Variants in TDRD9 observed in about 807,000 individuals in gnomAD.
TDRD9 encodes tudor domain containing 9.
In TDRD9, 124 loss-of-function variants were observed where a neutral mutation model predicts 172.6. The ratio of observed to expected loss-of-function variants is 0.72; its 90% CI spans 0.62 to 0.83. The LOEUF (loss-of-function observed/expected upper bound fraction) is 0.83. Ranked by LOEUF, TDRD9 falls within the 40% of genes least tolerant of loss-of-function variation. TDRD9 has a pLI of 0.00. For synonymous variants in TDRD9, 619 were observed against 617.1 expected (o/e 1.00, Z -0.05); for missense variants, 1,479 against 1,714.1 (o/e 0.86, Z 2.42).
At chr14:103,960,652 C>T (rs1566741399) in intron 2 of TDRD9, among the ~76,000 whole-genome samples, 1 of 151,918 alleles carries the variant, frequency 6.6e-6, no homozygotes, top group Non-Finnish European at 1.5e-5. Context: ...TGGCAGTGTA[C>T]GCGGAGGCAG....
Position 104,006,411 on chromosome 14 carries a change from G to A in TDRD9, c.1736G>A (p.Gly579Glu). The change falls in exon 16 of 36, where the codon GGG becomes GAG. Residue 579 changes from glycine to glutamate, a missense_variant. By Grantham distance (98) the Gly-to-Glu change is moderately conservative. Coordinates refer to ENST00000409874, the MANE Select transcript of TDRD9 (RefSeq NM_153046.3). ...AAGGTTGGAGCACTTGCAGTGAGTG[G>A]GCAGAGAGAAGATGAAAACCCCCAT... ...LKEVGALAVS[G>E]QREDENPHDG... The A allele has an allele frequency of 6.2e-7, 1 of 1,613,816 alleles. No individual in the cohort carries two copies.
At chr14:103,981,399 A>G (rs573622266) in intron 7 of TDRD9, among the ~76,000 whole-genome samples, 6 of 152,360 alleles carry the variant, frequency 3.9e-5, no homozygotes, top group Non-Finnish European at 5.9e-5. Context: ...CGTGTGGTCA[A>G]GACAACCCAG....
At chr14:104,049,843 C>G in intron 35 of TDRD9, 163 bp downstream of exon 35, 1 of 606,758 alleles carries the variant, frequency 1.6e-6, no homozygotes, top group South Asian at 2.2e-5. Flanking sequence ...TGTCTCAGAC[C>G]AGACAGGCTG....
At chr14:104,017,618 T>A (rs1186226801) in intron 22 of TDRD9, among the ~76,000 whole-genome samples, 1 of 152,244 alleles carries the variant, frequency 6.6e-6, no homozygotes. Context: ...AAACCCAGCA[T>A]GGTACCTTGA....
At chr14:103,989,898 T>G (rs771775024) in intron 8 of TDRD9, among the ~76,000 whole-genome samples, 2 of 152,378 alleles carry the variant, frequency 1.3e-5, no homozygotes, top group Middle Eastern at 3.4e-3. Flanking sequence ...GAAAGCCTTC[T>G]CCACTGTGGC....
chr14:103,930,926 T>C (rs181423428), intron 1 of TDRD9, among the ~76,000 whole-genome samples: 4 of 152,222 alleles, frequency 2.6e-5, no homozygotes, highest in Non-Finnish European at 5.9e-5. Flanking sequence ...ACTGAGACTT[T>C]TATAAAATCA....
rs557652329 is a variant in TDRD9 at position 103,950,247 on chromosome 14, G to C, written c.216-5417G>C. Among the ~76,000 whole-genome samples the C allele has an allele frequency of 4.1e-4, 62 of 151,818 alleles. 2 individuals are homozygous for C. Among genetic ancestry groups the C allele is most frequent in the African/African-American group, 1.4e-3 (58 of 41,384 alleles). On this transcript the variant is annotated intron_variant, in intron 1 of 35. Transcript: ENST00000409874. ...TGGGATTATAGGCACGTGCCACCAT[G>C]CCTGGCTAATTTTGTTATTTTTAGT...
At chr14:103,936,779 G>A (rs2030793727) in intron 1 of TDRD9, among the ~76,000 whole-genome samples, 1 of 152,170 alleles carries the variant, frequency 6.6e-6, no homozygotes, top group African/African-American at 2.4e-5. Context: ...CTGGCATGAT[G>A]TAGATGCTTA....
chr14:104,040,313 C>T lies in TDRD9; in HGVS notation c.3834C>T (p.Phe1278=). ...HDMELAFDVQ[F]SVEDVVEVNI... ...TGGAGCTTGCGTTTGACGTTCAATT[C>T]AGCGTGGAGGATGTCGTCGAGGTAA... Residue 1278 remains phenylalanine, a synonymous_variant, in exon 33 of 36, where the codon TTC becomes TTT. Coordinates refer to ENST00000409874, the MANE Select transcript of TDRD9 (RefSeq NM_153046.3). 6.4e-7 allele frequency: 1 copy of T among 1,551,152 alleles called. No individual in the cohort carries two copies.
At chr14:104,030,213 C>A (rs533595128) in intron 28 of TDRD9, among the ~76,000 whole-genome samples, 170 of 152,294 alleles carry the variant, frequency 1.1e-3, no homozygotes, top group Non-Finnish European at 1.9e-3. Context: ...AAACTGTAGA[C>A]CAGGTGCAGT....
At chr14:103,959,835 AGT>A (rs1418430025) in intron 2 of TDRD9, among the ~76,000 whole-genome samples, 3 of 152,208 alleles carry the variant, frequency 2.0e-5, no homozygotes, top group Non-Finnish European at 4.4e-5. Context: ...CTTTCCTTAC[AGT>A]GTGAGCCTAG....
At chr14:104,043,217 T>C (rs2140923200) in intron 34 of TDRD9, among the ~76,000 whole-genome samples, 1 of 151,430 alleles carries the variant, frequency 6.6e-6, no homozygotes, top group South Asian at 2.1e-4. Flanking sequence ...ATAGATGAGG[T>C]CTTGCTATGT....
chr14:103,976,165 C>T (rs2033232119), intron 7 of TDRD9, among the ~76,000 whole-genome samples: 1 of 152,174 alleles, frequency 6.6e-6, no homozygotes, highest in African/African-American at 2.4e-5. Context: ...ATTTCACTAA[C>T]TTCACTCAGC....
intron 22 of TDRD9, among the ~76,000 whole-genome samples, chr14:104,017,704 C>A (rs552177535): frequency 6.6e-6 from 1 of 152,040 alleles, no homozygotes; most frequent in African/African-American, 2.4e-5. Context: ...TGAGGAAATA[C>A]ATATTCCTCT....
intron 13 of TDRD9, among the ~76,000 whole-genome samples, chr14:104,000,052 G>A (rs1259149176): frequency 6.6e-6 from 1 of 152,172 alleles, no homozygotes; most frequent in Non-Finnish European, 1.5e-5. Context: ...CAGAGGCCAG[G>A]TGCGGTGACT....
chr14:104,036,435 C>A (rs2035452288), intron 32 of TDRD9, among the ~76,000 whole-genome samples: 1 of 152,198 alleles, frequency 6.6e-6, no homozygotes, highest in South Asian at 2.1e-4. Context: ...TGTGCAGGAA[C>A]CACACGTGGC....
At position 103,998,498 on chromosome 14, in the gene TDRD9, G is replaced by A. The variant is rs1380030894; in HGVS notation, c.1379-126G>A. ...GGGAGTGGTCGGTGCGTGGCCAAAC[G>A]TTTCTGCCTGTTCACTAATTCTTAA... On this transcript the variant is annotated intron_variant, in intron 12 of 35. Transcript: ENST00000409874. The A allele has an allele frequency of 2.1e-5, 14 of 656,990 alleles. No individual in the cohort carries two copies. The South Asian group carries it at 2.5e-4, about 12-fold the overall frequency. The allele number at this position is 656,990 out of a possible 1,614,324, so 40.7% of individuals were successfully genotyped here.
chr14:103,951,466 A>G (rs1359814260), intron 1 of TDRD9, among the ~76,000 whole-genome samples: 2 of 152,230 alleles, frequency 1.3e-5, no homozygotes, highest in African/African-American at 4.8e-5. Flanking sequence ...TAACACACTG[A>G]TAGTTTGCAT....
At chr14:104,009,989 A>C (rs1331325635) in intron 20 of TDRD9, among the ~76,000 whole-genome samples, 2 of 142,724 alleles carry the variant, frequency 1.4e-5, no homozygotes, top group African/African-American at 2.6e-5. Flanking sequence ...CCTGTCACCC[A>C]GGGTGGAGTG....
Sources: gnomAD v4.1 joint callset for allele counts (sites outside exome capture counted in the v4.1 genomes callset) on GRCh38, gnomAD v4.1.1 for gene constraint, MANE v1.5 for transcripts, NCBI Gene and HGNC (gene_info 2026-07-23, HGNC 2026-07-21) for gene names.